R3HDM2: variants seen among roughly 807,000 people sequenced by gnomAD.
R3HDM2 encodes the protein R3H domain-containing protein 2.
A neutral mutation model predicts 124.5 loss-of-function variants in R3HDM2; 38 were observed. The observed-to-expected ratio is 0.31, with a 90% CI of 0.24 to 0.40. R3HDM2 has a LOEUF of 0.40. R3HDM2 is among the 10% of genes least tolerant of loss of function. R3HDM2 has a pLI of 1.00. For synonymous variants in R3HDM2, 391 were observed against 448.0 expected (o/e 0.87, Z 1.61); for missense variants, 869 against 1,236.9 (o/e 0.70, Z 4.46).
intron 2 of R3HDM2, among the ~76,000 whole-genome samples, chr12:57,384,087 C>T (rs2065314632): frequency 6.6e-6 from 1 of 152,038 alleles, no homozygotes; most frequent in South Asian, 2.1e-4. Flanking sequence ...ACAGGCCGGG[C>T]GCAGTGGCTC....
At chr12:57,357,360 G>T (rs1056036545) in intron 2 of R3HDM2, among the ~76,000 whole-genome samples, 6 of 151,686 alleles carry the variant, frequency 4.0e-5, no homozygotes, top group African/African-American at 1.5e-4. Flanking sequence ...TACTTGGAAG[G>T]CTGAGGCAGG....
At chr12:57,373,028 G>A (rs1241123388) in intron 2 of R3HDM2, among the ~76,000 whole-genome samples, 3 of 152,164 alleles carry the variant, frequency 2.0e-5, no homozygotes, top group Admixed American at 6.5e-5. Context: ...GGGCAATGTA[G>A]TGAGACCCCC....
chr12:57,416,153 A>G (rs1183371895), intron 1 of R3HDM2, among the ~76,000 whole-genome samples: 2 of 152,160 alleles, frequency 1.3e-5, no homozygotes, highest in Non-Finnish European at 2.9e-5. Context: ...GATGTCTGTA[A>G]TTTATTTCCT....
intron 2 of R3HDM2, among the ~76,000 whole-genome samples, chr12:57,338,440 T>G (rs894882688): frequency 5.3e-5 from 8 of 152,236 alleles, no homozygotes; most frequent in African/African-American, 1.9e-4. Flanking sequence ...TTCTAAACTT[T>G]GTTTCCATAT....
chr12:57,263,943 G>A (rs1035163096), intron 19 of R3HDM2, among the ~76,000 whole-genome samples: 1 of 152,144 alleles, frequency 6.6e-6, no homozygotes, highest in African/African-American at 2.4e-5. Flanking sequence ...CACCAGAAGA[G>A]GGCACTCTGA....
Position 57,297,019 on chromosome 12 carries a change from G to A in R3HDM2, c.560+309C>T, listed in dbSNP as rs115476197. On this transcript the variant is annotated intron_variant, in intron 8 of 23. Transcript: ENST00000402412. ...CAGTGAGTCAAGACTGTACCACGGC[G>A]CTCCAGCCTAGGCGACAAAGAAAGA... 7.5e-3 allele frequency: 2,007 copies of A among 266,432 alleles called. 34 individuals are homozygous for A. The highest frequency in any genetic ancestry group is 0.042 in the African/African-American group (1,864 of 44,128). The allele number at this position is 266,432 out of a possible 1,614,324, so 16.5% of individuals were successfully genotyped here.
intron 3 of R3HDM2, among the ~76,000 whole-genome samples, chr12:57,306,822 C>T (rs969450038): frequency 6.6e-6 from 1 of 152,132 alleles, no homozygotes; most frequent in African/African-American, 2.4e-5. Flanking sequence ...TGAGACTAGC[C>T]TGGCCAACAT....
intron 1 of R3HDM2, among the ~76,000 whole-genome samples, chr12:57,430,262 G>A (rs1015816205): frequency 2.1e-4 from 32 of 152,096 alleles, no homozygotes; most frequent in African/African-American, 7.0e-4. Flanking sequence ...TTAAGCTATA[G>A]AAACATCTCC....
At chr12:57,381,958 C>T (rs1172417124) in intron 2 of R3HDM2, among the ~76,000 whole-genome samples, 1 of 151,546 alleles carries the variant, frequency 6.6e-6, no homozygotes, top group Admixed American at 6.6e-5. Context: ...TGAAACTATA[C>T]ACATGCACCA....
intron 1 of R3HDM2, among the ~76,000 whole-genome samples, chr12:57,405,080 T>C (rs1235801888): frequency 2.0e-5 from 3 of 151,968 alleles, no homozygotes; most frequent in African/African-American, 7.3e-5. Context: ...CCAGCTAGAG[T>C]ACAGTGACAT....
intron 2 of R3HDM2, among the ~76,000 whole-genome samples, chr12:57,363,589 T>A (rs554537761): frequency 1.3e-5 from 2 of 152,312 alleles, no homozygotes; most frequent in East Asian, 1.9e-4. Context: ...ATGGTCCCAA[T>A]GCAACAAAAT....
chr12:57,404,755 C>T (rs973248383), intron 1 of R3HDM2, among the ~76,000 whole-genome samples: 2 of 152,024 alleles, frequency 1.3e-5, no homozygotes, highest in African/African-American at 4.8e-5. Context: ...CATGTTGGCT[C>T]ACACCTGTAA....
At position 57,254,973 on chromosome 12, in the gene R3HDM2, C is replaced by G. The variant is rs777878496; in HGVS notation, c.2773G>C (p.Gly925Arg). ...KDAQGLPGGG[G>R]GDNSGTAENG... ...TCAGCAGTCCCACTGTTGTCCCCCC[C>G]ACCCCCTCCAGGCAGCCCCTGAGCA... is the stretch of plus-strand genomic sequence containing the variant. The change falls in exon 24 of 24, where the codon GGG becomes CGG. Residue 925 changes from glycine to arginine, a missense_variant. By Grantham distance (125) the Gly-to-Arg change is moderately radical. This residue lies in a region of R3HDM2 where 602 missense variants were observed against 789.2 expected (regional missense o/e 0.76). Coordinates refer to ENST00000402412, the MANE Select transcript of R3HDM2 (RefSeq NM_001394031.1). The G allele has an allele frequency of 1.2e-5, 19 of 1,614,024 alleles. No homozygotes were observed. Among genetic ancestry groups the G allele is most frequent in the East Asian group, 2.2e-5 (1 of 44,890 alleles).
intron 2 of R3HDM2, among the ~76,000 whole-genome samples, chr12:57,369,070 T>C (rs1030863170): frequency 3.3e-5 from 5 of 152,130 alleles, no homozygotes; most frequent in Middle Eastern, 3.2e-3. Context: ...TCAGATAGTT[T>C]TCCTCCTAGC....
chr12:57,256,520 T>C lies in R3HDM2; in HGVS notation c.2450-9A>G, dbSNP rs1005994509. 6.5e-7 allele frequency: 1 copy of C among 1,549,754 alleles called. No individual in the cohort carries two copies. Among genetic ancestry groups the C allele is most frequent in the African/African-American group, 1.4e-5 (1 of 73,060 alleles). ...GGAGTAGCGCCCATCACCTAGGGAG[T>C]AAGAGCAATTGGTTTTCTGGGAGCT... On this transcript the variant is annotated splice_polypyrimidine_tract_variant and intron_variant, in intron 21 of 23. Coordinates refer to ENST00000402412, the MANE Select transcript of R3HDM2 (RefSeq NM_001394031.1).
In R3HDM2 at chr12:57,346,804, G is replaced by A. The variant is rs1473838612; in HGVS notation, c.-35-36341C>T. 3.3e-5 allele frequency among the ~76,000 whole-genome samples: 5 copies of A among 152,166 alleles called. No homozygotes were observed. In the South Asian group the frequency reaches 6.2e-4, roughly 19 times the overall value. On this transcript the variant is annotated intron_variant, in intron 2 of 23. Coordinates refer to ENST00000402412, the MANE Select transcript of R3HDM2 (RefSeq NM_001394031.1). ...CTTAAAATGTTTGATGTTTGAGAGC[G>A]AAAGTTTTAAGTTGATGGGGTTTTT...
chr12:57,329,216 C>T (rs1038784886), intron 2 of R3HDM2, among the ~76,000 whole-genome samples: 1 of 152,250 alleles, frequency 6.6e-6, no homozygotes, highest in South Asian at 2.1e-4. Context: ...ACTATCTCTG[C>T]TGCAAGGAGA....
intron 2 of R3HDM2, among the ~76,000 whole-genome samples, chr12:57,361,715 A>G (rs1472819680): frequency 3.3e-5 from 5 of 152,168 alleles, no homozygotes; most frequent in Non-Finnish European, 7.3e-5. Flanking sequence ...AGGCATACCT[A>G]TAGACTCTAA....
chr12:57,384,900 G>A (rs960731277), intron 2 of R3HDM2, among the ~76,000 whole-genome samples: 9 of 152,170 alleles, frequency 5.9e-5, no homozygotes, highest in African/African-American at 2.2e-4. Flanking sequence ...TGTAATGCCA[G>A]CACTTTGGGA....
Sources: allele counts gnomAD v4.1 joint callset (sites outside exome capture counted in the v4.1 genomes callset), GRCh38; gene constraint gnomAD v4.1.1; regional missense constraint gnomAD v4.1.1; transcripts MANE v1.5; gene names NCBI Gene and HGNC (gene_info 2026-07-23, HGNC 2026-07-21).